The following CCBE1 variants were observed in gnomAD, a reference collection of about 807,000 sequenced individuals.
The protein encoded by CCBE1 is collagen and calcium-binding EGF domain-containing protein 1.
A neutral mutation model predicts 50.0 loss-of-function variants in CCBE1; 37 were observed. The observed-to-expected ratio is 0.74, with a 90% CI of 0.57 to 0.97. CCBE1 has a LOEUF of 0.97. Among genes scored for constraint, CCBE1 ranks in the 50% least tolerant of loss-of-function variants. The pLI, the probability that CCBE1 is intolerant of heterozygous loss-of-function variation, is 0.00. For synonymous variants in CCBE1, 234 were observed against 203.7 expected (o/e 1.15, Z -1.27); for missense variants, 538 against 523.8 (o/e 1.03, Z -0.26).
At chr18:59,488,685 T>C (rs1352992056) in intron 2 of CCBE1, among the ~76,000 whole-genome samples, 5 of 152,204 alleles carry the variant, frequency 3.3e-5, no homozygotes, top group Non-Finnish European at 5.9e-5. Flanking sequence ...GCTTCAGTCC[T>C]TAGATAACTG....
chr18:59,691,259 C>A (rs2054728164), intron 2 of CCBE1, among the ~76,000 whole-genome samples: 1 of 152,220 alleles, frequency 6.6e-6, no homozygotes, highest in Non-Finnish European at 1.5e-5. Flanking sequence ...ATGGCTCATG[C>A]TCTCAGAGGG....
intron 2 of CCBE1, among the ~76,000 whole-genome samples, chr18:59,630,126 T>C (rs1306314068): frequency 1.3e-5 from 2 of 152,196 alleles, no homozygotes; most frequent in Non-Finnish European, 2.9e-5. Context: ...CCAGCCACCA[T>C]GTGCGGCAAA....
intron 2 of CCBE1, among the ~76,000 whole-genome samples, chr18:59,610,659 C>G (rs1035414000): frequency 2.6e-5 from 4 of 152,204 alleles, no homozygotes; most frequent in African/African-American, 9.6e-5. Flanking sequence ...TGTTTTCCAA[C>G]AGGGAAAGGA....
At chr18:59,555,529 C>CCATGCAG (rs1267829575) in intron 2 of CCBE1, among the ~76,000 whole-genome samples, 12 of 152,244 alleles carry the variant, frequency 7.9e-5, no homozygotes, top group Middle Eastern at 6.8e-3. Context: ...TTGAAGAAAG[C>CCATGCAG]CATGCAGTTT....
chr18:59,609,864 GGATAA>G (rs2053547378), intron 2 of CCBE1, among the ~76,000 whole-genome samples: 1 of 152,132 alleles, frequency 6.6e-6, no homozygotes, highest in African/African-American at 2.4e-5. Context: ...TAAGTACCAG[GGATAA>G]TATTCAATGT....
At chr18:59,632,590 GTATTGT>G (rs1019180897) in intron 2 of CCBE1, among the ~76,000 whole-genome samples, 1 of 150,228 alleles carries the variant, frequency 6.7e-6, no homozygotes, top group Non-Finnish European at 1.5e-5. Flanking sequence ...TTTTTGTTTT[GTATTGT>G]TTTTGTTTTT....
chr18:59,443,083 T>A (rs2143632618), intron 7 of CCBE1, among the ~76,000 whole-genome samples: 1 of 152,324 alleles, frequency 6.6e-6, no homozygotes, highest in South Asian at 2.1e-4. Flanking sequence ...TGCTCTTGTG[T>A]CTGATAATGG....
At chr18:59,524,357 CAA>C (rs772307933) in intron 2 of CCBE1, among the ~76,000 whole-genome samples, 2 of 151,986 alleles carry the variant, frequency 1.3e-5, no homozygotes, top group Non-Finnish European at 2.9e-5. Flanking sequence ...CCCTATTATT[CAA>C]AAGACTATTT....
chr18:59,600,082 T>C (rs1380798379), intron 2 of CCBE1, among the ~76,000 whole-genome samples: 1 of 152,086 alleles, frequency 6.6e-6, no homozygotes, highest in Non-Finnish European at 1.5e-5. Flanking sequence ...AGAAAAAATA[T>C]TAGATATTTT....
intron 2 of CCBE1, among the ~76,000 whole-genome samples, chr18:59,678,969 A>T (rs569972816): frequency 6.6e-6 from 1 of 152,378 alleles, no homozygotes; most frequent in South Asian, 2.1e-4. Context: ...ACAAATATAC[A>T]TATAAAAATA....
intron 2 of CCBE1, among the ~76,000 whole-genome samples, chr18:59,591,107 G>C (rs1268551293): frequency 1.1e-5 from 1 of 88,666 alleles, no homozygotes; most frequent in Non-Finnish European, 2.0e-5. Flanking sequence ...TTAGCCGGGC[G>C]TGATGGTGGG....
At chr18:59,678,486 T>C (rs1006626142) in intron 2 of CCBE1, among the ~76,000 whole-genome samples, 1 of 152,224 alleles carries the variant, frequency 6.6e-6, no homozygotes, top group African/African-American at 2.4e-5. Flanking sequence ...AGACAGACTA[T>C]GACTAGATAC....
At chr18:59,695,025 C>A (rs915208969) in intron 2 of CCBE1, among the ~76,000 whole-genome samples, 5 of 152,170 alleles carry the variant, frequency 3.3e-5, no homozygotes, top group African/African-American at 1.2e-4. Context: ...AAACACCACA[C>A]TGCTTTAAGA....
At chr18:59,638,463 T>C (rs561843956) in intron 2 of CCBE1, among the ~76,000 whole-genome samples, 1 of 152,318 alleles carries the variant, frequency 6.6e-6, no homozygotes, top group African/African-American at 2.4e-5. Flanking sequence ...TTGCTGTAAA[T>C]GCACATTTTC....
chr18:59,669,683 G>A (rs1229958058), intron 2 of CCBE1, among the ~76,000 whole-genome samples: 1 of 152,252 alleles, frequency 6.6e-6, no homozygotes, highest in Admixed American at 6.5e-5. Context: ...CGGACATCAT[G>A]AAGTGCTGGA....
At chr18:59,446,021 C>G (rs998541785) in intron 7 of CCBE1, among the ~76,000 whole-genome samples, 1 of 152,108 alleles carries the variant, frequency 6.6e-6, no homozygotes, top group African/African-American at 2.4e-5. Context: ...TGAGAGAAAG[C>G]CTATTAGCTT....
chr18:59,553,084 G>A (rs375701593), intron 2 of CCBE1, among the ~76,000 whole-genome samples: 2 of 152,140 alleles, frequency 1.3e-5, no homozygotes, highest in Admixed American at 1.3e-4. Context: ...AGCCACGCTG[G>A]TTATAGCCTG....
chr18:59,628,435 G>A (rs1406966057), intron 2 of CCBE1, among the ~76,000 whole-genome samples: 1 of 151,506 alleles, frequency 6.6e-6, no homozygotes, highest in Non-Finnish European at 1.5e-5. Context: ...AGAGACATGA[G>A]GTGATGGAAA....
chr18:59,465,362 C>G (rs1911691775), intron 5 of CCBE1: 1 of 152,236 alleles, frequency 6.6e-6, no homozygotes, highest in Non-Finnish European at 1.5e-5. Flanking sequence ...CCTCTTCCCC[C>G]ATCCCTCCCC....
Sources: allele counts gnomAD v4.1 joint callset (sites outside exome capture counted in the v4.1 genomes callset), GRCh38; gene constraint gnomAD v4.1.1; transcripts MANE v1.5; gene names NCBI Gene and HGNC (gene_info 2026-07-23, HGNC 2026-07-21).